POLR1B: variants seen among roughly 807,000 people sequenced by gnomAD.
POLR1B encodes RNA polymerase I subunit B.
A neutral mutation model predicts 105.8 loss-of-function variants in POLR1B; 30 were observed. The ratio of observed to expected loss-of-function variants is 0.28; its 90% CI spans 0.21 to 0.38. The LOEUF (loss-of-function observed/expected upper bound fraction) is 0.38. POLR1B is among the 10% of genes least tolerant of loss of function. The probability of loss-of-function intolerance (pLI) is 1.00; values close to 1 mark genes in which losing one functional copy is unlikely to be tolerated. For missense variants in POLR1B, 976 were observed against 1,435.8 expected (o/e 0.68, Z 5.17); for synonymous variants, 485 against 505.1 (o/e 0.96, Z 0.53).
At chr2:112,547,605 G>T (rs1683124646) in intron 3 of POLR1B, 38 bp downstream of exon 3, 2 of 1,593,390 alleles carry the variant, frequency 1.3e-6, no homozygotes, top group African/African-American at 1.4e-5. Flanking sequence ...AGTAGAGAAG[G>T]CCTGGGTTGG....
chr2:112,551,356 C>T (rs1362590009), intron 5 of POLR1B, among the ~76,000 whole-genome samples: 3 of 152,182 alleles, frequency 2.0e-5, no homozygotes, highest in African/African-American at 7.2e-5. Context: ...TGGGGTTGCT[C>T]TCTACATGGC....
chr2:112,559,510 C>T lies in POLR1B; in HGVS notation c.1548C>T (p.Ala516=), dbSNP rs1426628813. 20 of 1,614,206 alleles carry T rather than the reference C, an allele frequency of 1.2e-5. No homozygotes were observed. The highest frequency in any genetic ancestry group is 2.2e-5 in the East Asian group (1 of 44,894). ...EPCGLMNHLT[A]VCEVVTQFVY... is the part of the protein sequence containing the mutation. ...GTGGCCTGATGAACCACCTAACTGC[C>T]GTATGTGAGGTTGTCACACAGTTTG... is the stretch of plus-strand genomic sequence containing the variant. The change falls in exon 9 of 15, where the codon GCC becomes GCT. Residue 516 remains alanine, a synonymous_variant. Transcript: ENST00000263331.
rs1285002478 is a variant in POLR1B, at chr2:112,568,786, C to T, written c.1958C>T (p.Ala653Val). The T allele has an allele frequency of 1.2e-6, 2 of 1,614,082 alleles. No homozygotes were observed. Among genetic ancestry groups the T allele is most frequent in the African/African-American group, 2.7e-5 (2 of 75,028 alleles). Residue 653 changes from alanine to valine, a missense_variant, in exon 12 of 15, where the codon GCT (alanine) becomes GTT (valine). Ala to Val is a moderately conservative substitution (Grantham distance 64). Coordinates refer to ENST00000263331, the MANE Select transcript of POLR1B (RefSeq NM_019014.6). The stretch of plus-strand genomic sequence containing the variant: ...GCTATCTTTGAGGATGAAGTTTTTG[C>T]TGGAGTTACCACACACCAGGAACTC... ...NVAIFEDEVFAGVTTHQELFP... is the reference protein window; with the variant it reads ...NVAIFEDEVFVGVTTHQELFP...
At chr2:112,564,324 G>A (rs777332671) in intron 9 of POLR1B, 42 bp from the exon 10 acceptor site, 2 of 1,602,148 alleles carry the variant, frequency 1.2e-6, no homozygotes, top group Middle Eastern at 1.7e-4. Flanking sequence ...AATGTTGGAT[G>A]AAGCATTCTG....
intron 1 of POLR1B, among the ~76,000 whole-genome samples, chr2:112,546,716 C>G (rs552664132): frequency 2.2e-4 from 33 of 151,736 alleles, no homozygotes; most frequent in African/African-American, 7.8e-4. Flanking sequence ...CGCCCACCAC[C>G]ACGCCTGGCT....
chr2:112,573,465 TG>T, intron 13 of POLR1B, 96 bp from the exon 14 acceptor site: 1 of 1,410,242 alleles, frequency 7.1e-7, no homozygotes, highest in East Asian at 2.3e-5. Flanking sequence ...TAAAATGTGA[TG>T]CCAGTTATCC....
chr2:112,544,096 A>G (rs1682913347), intron 1 of POLR1B, among the ~76,000 whole-genome samples: 2 of 152,034 alleles, frequency 1.3e-5, no homozygotes, highest in Admixed American at 1.3e-4. Context: ...TTTAAAAAAA[A>G]AAAATCCAAT....
intron 9 of POLR1B, among the ~76,000 whole-genome samples, chr2:112,560,470 C>G (rs1195350882): frequency 6.6e-6 from 1 of 151,894 alleles, no homozygotes; most frequent in African/African-American, 2.4e-5. Context: ...AACCTTTTTT[C>G]CTGATAACCT....
rs1314441487 is a variant in POLR1B, at chr2:112,573,618, T to G, written c.2328T>G (p.Ser776=). The G allele has an allele frequency of 6.2e-7, 1 of 1,614,230 alleles. No homozygotes were observed. The highest frequency in any genetic ancestry group is 1.7e-5 in the Admixed American group (1 of 60,024). Residue 776 remains serine, a synonymous_variant, in exon 14 of 15, where the codon TCT becomes TCG. Transcript: ENST00000263331. ...TTGCCCATGGAAGTGTCTACAAGTCTGAGTTCATAGACCTCTCTGAAAAAA... is the reference window on the plus strand; with the variant it reads ...TTGCCCATGGAAGTGTCTACAAGTCGGAGTTCATAGACCTCTCTGAAAAAA... ...RGFAHGSVYK[S]EFIDLSEKIK...
intron 7 of POLR1B, chr2:112,553,280 T>C (rs1285447960): frequency 1.3e-5 from 2 of 152,418 alleles, no homozygotes; most frequent in African/African-American, 4.8e-5. Context: ...GCTTTCCGGT[T>C]TCAGCTCATA....
chr2:112,544,646 G>A (rs1344402157), intron 1 of POLR1B, among the ~76,000 whole-genome samples: 2 of 151,912 alleles, frequency 1.3e-5, no homozygotes, highest in Admixed American at 6.6e-5. Flanking sequence ...ATTTGGCCCT[G>A]CATAGAAAAT....
In POLR1B at chr2:112,575,672, G is replaced by A; in HGVS notation, c.3351G>A (p.Arg1117=). ...CTGTTTCTGTGCCTTATGTTTTTCG[G>A]TATTTTGTAGCTGAACTGGCAGCTA... ...IDTVSVPYVF[R]YFVAELAAMN... The change falls in exon 15 of 15, where the codon CGG becomes CGA. Residue 1117 remains arginine (R), a synonymous_variant. Coordinates refer to ENST00000263331, the MANE Select transcript of POLR1B (RefSeq NM_019014.6). This position sits in a 1 kb window ranked among gnomAD's most constrained non-coding sequence, Gnocchi z 5.3. The A allele has an allele frequency of 6.2e-7, 1 of 1,613,948 alleles. No individual in the cohort carries two copies. Among genetic ancestry groups the A allele is most frequent in the Non-Finnish European group, 8.5e-7 (1 of 1,179,974 alleles).
intron 9 of POLR1B, among the ~76,000 whole-genome samples, chr2:112,559,925 C>T (rs778715479): frequency 4.6e-5 from 7 of 152,062 alleles, no homozygotes; most frequent in Admixed American, 1.3e-4. Flanking sequence ...CCACCGCGCC[C>T]GGCCAAGGTT....
intron 1 of POLR1B, among the ~76,000 whole-genome samples, chr2:112,543,027 G>T (rs1454479423): frequency 1.3e-5 from 2 of 152,168 alleles, no homozygotes; most frequent in Non-Finnish European, 2.9e-5. Context: ...TACCTCGAAA[G>T]ATCCCGAACG....
chr2:112,577,831 CAAAAAA>C lies in POLR1B; in HGVS notation c.*2118_*2123del, dbSNP rs3980076. Among the ~76,000 whole-genome samples the C allele has an allele frequency of 4.0e-5, 4 of 100,304 alleles. No homozygotes were observed. The highest frequency in any genetic ancestry group is 1.1e-4 in the Admixed American group (1 of 9,272). 65.8% of individuals were successfully genotyped at this position (100,304 alleles called of 152,430 possible). A position where few individuals can be genotyped will look rare whatever the true frequency, so the allele number is the denominator to read the frequency against. ...TGGGCGACAGAATGAGACCCTGTCT[CAAAAAA>C]AAAAAAAAAAAAAAAGCGGGGAGGC... On this transcript the variant is annotated 3_prime_UTR_variant, in exon 15 of 15. Coordinates refer to ENST00000263331, the MANE Select transcript of POLR1B (RefSeq NM_019014.6).
intron 3 of POLR1B, 101 bp from the exon 4 acceptor site, chr2:112,549,166 C>A (rs1460198720): frequency 1.6e-5 from 21 of 1,301,200 alleles, no homozygotes; most frequent in Non-Finnish European, 1.8e-5. Flanking sequence ...CCTCTGTGTT[C>A]CTATTCTGTG....
intron 4 of POLR1B, among the ~76,000 whole-genome samples, chr2:112,550,241 A>C (rs1266849125): frequency 6.6e-6 from 1 of 152,236 alleles, no homozygotes; most frequent in Non-Finnish European, 1.5e-5. Context: ...CCACTGTGGT[A>C]CACCCCTCAG....
chr2:112,569,761 T>C (rs1408570179), intron 12 of POLR1B, among the ~76,000 whole-genome samples: 2 of 152,030 alleles, frequency 1.3e-5, no homozygotes, highest in African/African-American at 4.8e-5. Context: ...GGTTTCACCA[T>C]GTTGGCAAGG....
intron 4 of POLR1B, 96 bp from the exon 5 acceptor site, chr2:112,550,770 A>G: frequency 7.6e-7 from 1 of 1,311,946 alleles, no homozygotes; most frequent in Non-Finnish European, 1.1e-6. Flanking sequence ...TTTGGCTTTA[A>G]TTGTGTCTAA....
Sources: allele counts gnomAD v4.1 joint callset (sites outside exome capture counted in the v4.1 genomes callset), GRCh38; gene constraint gnomAD v4.1.1; non-coding constraint Gnocchi (gnomAD v3.1); transcripts MANE v1.5; gene names NCBI Gene and HGNC (gene_info 2026-07-23, HGNC 2026-07-21).